The following IGSF21 variants were observed in gnomAD, a reference collection of about 807,000 sequenced individuals.
IGSF21 encodes immunoglobulin superfamily member 21.
In IGSF21, 28 loss-of-function variants were observed where a neutral mutation model predicts 46.8. The ratio of observed to expected loss-of-function variants is 0.60; its 90% confidence interval spans 0.44 to 0.82. IGSF21 has a LOEUF of 0.82. Among genes scored for constraint, IGSF21 ranks in the 40% least tolerant of loss-of-function variants. The pLI, the probability that IGSF21 is intolerant of heterozygous loss-of-function variation, is 0.00. For missense variants in IGSF21, 624 were observed against 665.5 expected, an observed-to-expected ratio of 0.94 and a Z score of 0.69; for synonymous variants, 284 against 273.6, an observed-to-expected ratio of 1.04 and a Z score of -0.38.
chr1:18,238,308 G>C (rs1470941466), intron 2 of IGSF21, among the ~76,000 whole-genome samples: 3 of 152,200 alleles, frequency 2.0e-5, no homozygotes, highest in African/African-American at 7.2e-5. Flanking sequence ...GTGGGGAATG[G>C]GGGTGAGAGG....
chr1:18,178,422 T>C (rs543444067), intron 1 of IGSF21, among the ~76,000 whole-genome samples: 14 of 152,140 alleles, frequency 9.2e-5, no homozygotes, highest in South Asian at 4.1e-4. Context: ...ATAATAACCA[T>C]GTGATATTGA....
At chr1:18,330,377 T>C in intron 3 of IGSF21, among the ~76,000 whole-genome samples, 1 of 152,224 alleles carries the variant, frequency 6.6e-6, no homozygotes, top group Non-Finnish European at 1.5e-5. Flanking sequence ...GTGAGGGGTG[T>C]ACAGCGATCT....
chr1:18,273,176 G>T (rs1305504498), intron 2 of IGSF21, among the ~76,000 whole-genome samples: 1 of 151,222 alleles, frequency 6.6e-6, no homozygotes, highest in African/African-American at 2.4e-5. Flanking sequence ...CAGTAGCTGG[G>T]ATTACAGGCA....
At chr1:18,275,183 T>G (rs1466546346) in intron 2 of IGSF21, among the ~76,000 whole-genome samples, 2 of 152,228 alleles carry the variant, frequency 1.3e-5, no homozygotes, top group Non-Finnish European at 2.9e-5. Flanking sequence ...CACAGGTCTT[T>G]GTGCAGCTCT....
At chr1:18,278,676 C>T (rs1350807690) in intron 2 of IGSF21, among the ~76,000 whole-genome samples, 5 of 151,814 alleles carry the variant, frequency 3.3e-5, no homozygotes, top group Non-Finnish European at 4.4e-5. Flanking sequence ...ACTGCAGCCT[C>T]CTGAGTAGCT....
chr1:18,368,818 G>A (rs563970359), intron 6 of IGSF21, among the ~76,000 whole-genome samples: 2 of 152,328 alleles, frequency 1.3e-5, no homozygotes, highest in East Asian at 1.9e-4. Flanking sequence ...CAAGAATAAG[G>A]AGGAGAAAGA....
intron 4 of IGSF21, among the ~76,000 whole-genome samples, chr1:18,341,079 CCTCCTCCTCCTCCTCCTT>C (rs2085834724): frequency 2.0e-5 from 1 of 50,080 alleles, no homozygotes; most frequent in South Asian, 1.2e-3. Flanking sequence ...TTCTTCTTCT[CCTCCTCCTCCTCCTCCTT>C]CTCCTCCTCC....
intron 1 of IGSF21, among the ~76,000 whole-genome samples, chr1:18,201,551 A>T (rs75687353): frequency 1.3e-5 from 2 of 152,236 alleles, no homozygotes; most frequent in East Asian, 3.9e-4. Context: ...ACCCATGTCA[A>T]CTCAGCCTCC....
At chr1:18,169,265 G>A (rs1196110103) in intron 1 of IGSF21, among the ~76,000 whole-genome samples, 4 of 152,348 alleles carry the variant, frequency 2.6e-5, no homozygotes, top group Admixed American at 2.6e-4. Flanking sequence ...TTTGGCGAGC[G>A]GGATCCAGTG....
chr1:18,152,337 G>A (rs1056921235), intron 1 of IGSF21, among the ~76,000 whole-genome samples: 8 of 152,174 alleles, frequency 5.3e-5, no homozygotes, highest in African/African-American at 9.7e-5. Flanking sequence ...TGCAGTCATC[G>A]TGCCCTGCCC....
At chr1:18,260,236 G>T (rs1371336492) in intron 2 of IGSF21, among the ~76,000 whole-genome samples, 1 of 152,244 alleles carries the variant, frequency 6.6e-6, no homozygotes, top group Non-Finnish European at 1.5e-5. Context: ...CCCAATGTCT[G>T]TCGAGGGAAG....
At chr1:18,359,343 AAAG>A (rs765495529) in intron 4 of IGSF21, among the ~76,000 whole-genome samples, 642 of 50,376 alleles carry the variant, frequency 0.013, 17 homozygotes, top group African/African-American at 0.018. Flanking sequence ...AAAGAAAAAG[AAAG>A]AAAGAAAGAA....
At position 18,335,412 on chromosome 1, in the gene IGSF21, G is replaced by A. The variant is rs989459579; in HGVS notation, c.424+402G>A. ...AGGATCTGGAGATGAATTAGAAAGC[G>A]CTCATGGCTGGGATTCAGAGCTCCT... is the stretch of plus-strand genomic sequence containing the variant. On this transcript the variant is annotated intron_variant, in intron 4 of 9. Transcript: ENST00000251296. The surrounding 1 kb of genome is among the most constrained non-coding windows in gnomAD (Gnocchi z 4.8). Among the ~76,000 whole-genome samples the A allele has an allele frequency of 2.6e-5, 4 of 152,194 alleles. No individual in the cohort carries two copies. The highest frequency in any genetic ancestry group is 6.5e-5 in the Admixed American group (1 of 15,276).
At chr1:18,370,813 A>T (rs781117034) in intron 6 of IGSF21, among the ~76,000 whole-genome samples, 1 of 152,336 alleles carries the variant, frequency 6.6e-6, no homozygotes, top group East Asian at 1.9e-4. Context: ...GCTAATAAAC[A>T]TGTAAAAACC....
At chr1:18,171,376 A>C (rs933079368) in intron 1 of IGSF21, among the ~76,000 whole-genome samples, 2 of 152,062 alleles carry the variant, frequency 1.3e-5, no homozygotes, top group Non-Finnish European at 1.5e-5. Context: ...CCTGGAGGGG[A>C]AATCGCTCCC....
chr1:18,341,455 G>A (rs1333397903), intron 4 of IGSF21, among the ~76,000 whole-genome samples: 1 of 152,126 alleles, frequency 6.6e-6, no homozygotes, highest in African/African-American at 2.4e-5. Flanking sequence ...ACTGAGTCAG[G>A]ATGTAGCACA....
intron 3 of IGSF21, among the ~76,000 whole-genome samples, chr1:18,296,791 C>T (rs1481204887): frequency 2.0e-5 from 3 of 152,194 alleles, no homozygotes; most frequent in Non-Finnish European, 2.9e-5. Context: ...TCAACCACTC[C>T]GCCCACACAC....
At chr1:18,161,419 T>G (rs998208465) in intron 1 of IGSF21, among the ~76,000 whole-genome samples, 1 of 152,106 alleles carries the variant, frequency 6.6e-6, no homozygotes, top group Admixed American at 6.5e-5. Flanking sequence ...CATCGTGCCC[T>G]GTATTCTGAG....
At chr1:18,197,616 G>A (rs1031757460) in intron 1 of IGSF21, among the ~76,000 whole-genome samples, 5 of 152,212 alleles carry the variant, frequency 3.3e-5, no homozygotes, top group Non-Finnish European at 5.9e-5. Context: ...AAGGACAAAG[G>A]CAGACGTTGG....
Sources: gnomAD v4.1 joint callset for allele counts (sites outside exome capture counted in the v4.1 genomes callset) on GRCh38, gnomAD v4.1.1 for gene constraint, Gnocchi (gnomAD v3.1) non-coding constraint, MANE v1.5 for transcripts, NCBI Gene and HGNC (gene_info 2026-07-23, HGNC 2026-07-21) for gene names.